Variants in WDR41 observed in about 807,000 individuals in gnomAD.
The protein encoded by WDR41 is WD repeat domain 41.
WDR41 carries 63 observed loss-of-function variants against 69.3 expected under a neutral mutation model. That is an observed-to-expected ratio of 0.91 (90% CI 0.74 to 1.12). The LOEUF is 1.12. Among genes scored for constraint, WDR41 ranks in the 50% most tolerant of loss-of-function variants. The pLI is 0.00. For missense variants in WDR41, 543 were observed against 534.5 expected, an observed-to-expected ratio of 1.02 and a Z score of -0.16; for synonymous variants, 185 against 192.1, an observed-to-expected ratio of 0.96 and a Z score of 0.31.
At chr5:77,541,709 T>A (rs1743091428) in intron 1 of WDR41, among the ~76,000 whole-genome samples, 1 of 150,370 alleles carries the variant, frequency 6.7e-6, no homozygotes, top group African/African-American at 2.5e-5. Flanking sequence ...GCCAGGCTGA[T>A]CTCGAACTCC....
chr5:77,545,727 C>T (rs1467246571), intron 1 of WDR41: 4 of 550,172 alleles, frequency 7.3e-6, no homozygotes, highest in Non-Finnish European at 1.3e-5. Flanking sequence ...CCCACGCTGG[C>T]CAGTGCACCA....
At chr5:77,466,748 A>G (rs535371760) in intron 2 of WDR41, among the ~76,000 whole-genome samples, 74 of 151,572 alleles carry the variant, frequency 4.9e-4, no homozygotes, top group Admixed American at 6.6e-4. Flanking sequence ...TGCAAGGTCA[A>G]TTACCTGGTT....
Position 77,574,602 on chromosome 5 carries a change from T to C in WDR41, c.42+45877A>G, listed in dbSNP as rs189104062. Among the ~76,000 whole-genome samples the C allele has an allele frequency of 3.2e-3, 495 of 152,348 alleles. 3 individuals carry two copies. Among genetic ancestry groups the C allele is most frequent in the African/African-American group, 0.011 (478 of 41,590 alleles). On this transcript the variant is annotated intron_variant, in intron 1 of 5. Coordinates refer to the WDR41 transcript ENST00000509971. ...CTAAGGCTAATGCTTTGACTTGATTTTAAAGACTGAATTTTTTCTGCTGGT... is the reference window on the plus strand; with the variant it reads ...CTAAGGCTAATGCTTTGACTTGATTCTAAAGACTGAATTTTTTCTGCTGGT...
intron 2 of WDR41, among the ~76,000 whole-genome samples, chr5:77,473,861 G>A (rs558580268): frequency 2.5e-3 from 387 of 152,162 alleles, no homozygotes; most frequent in African/African-American, 8.8e-3. Flanking sequence ...TTCAACCATT[G>A]TGGAAGTCAG....
At chr5:77,571,243 C>T (rs1047839325) in intron 1 of WDR41, among the ~76,000 whole-genome samples, 2 of 152,078 alleles carry the variant, frequency 1.3e-5, no homozygotes, top group African/African-American at 4.8e-5. Flanking sequence ...GAGAAAACTA[C>T]AGTATTGTTT....
At chr5:77,535,747 T>C (rs1581789489) in intron 1 of WDR41, among the ~76,000 whole-genome samples, 1 of 152,272 alleles carries the variant, frequency 6.6e-6, no homozygotes, top group East Asian at 1.9e-4. Context: ...AGCTGCCAGA[T>C]GACAAGACGA....
intron 1 of WDR41, among the ~76,000 whole-genome samples, chr5:77,571,997 C>A (rs374398299): frequency 4.6e-5 from 7 of 152,040 alleles, no homozygotes; most frequent in Non-Finnish European, 1.0e-4. Context: ...TGCAAGCAAC[C>A]ACGGAAGGCC....
At chr5:77,585,785 G>A (rs1744026909) in intron 1 of WDR41, among the ~76,000 whole-genome samples, 1 of 152,154 alleles carries the variant, frequency 6.6e-6, no homozygotes, top group Non-Finnish European at 1.5e-5. Context: ...AGAATGCAAA[G>A]GCATAAGAAT....
chr5:77,548,378 A>G (rs777606514), intron 1 of WDR41, among the ~76,000 whole-genome samples: 6 of 152,270 alleles, frequency 3.9e-5, no homozygotes, highest in Non-Finnish European at 7.3e-5. Flanking sequence ...TTCACAATCT[A>G]TACATCTGAC....
intron 1 of WDR41, among the ~76,000 whole-genome samples, chr5:77,593,091 A>T (rs909663629): frequency 6.6e-6 from 1 of 152,210 alleles, no homozygotes; most frequent in Admixed American, 6.5e-5. Context: ...TGAGGTGGGG[A>T]CATGCTCAGA....
At chr5:77,569,570 A>G (rs1250042727) in intron 1 of WDR41, among the ~76,000 whole-genome samples, 1 of 152,198 alleles carries the variant, frequency 6.6e-6, no homozygotes, top group Non-Finnish European at 1.5e-5. Context: ...CAGTACTCTT[A>G]TTTATGCTAT....
chr5:77,477,285 G>A (rs1168525672), intron 2 of WDR41, among the ~76,000 whole-genome samples: 1 of 150,730 alleles, frequency 6.6e-6, no homozygotes, highest in African/African-American at 2.5e-5. Context: ...AGCCAACAAG[G>A]ATACCCAGGA....
intron 1 of WDR41, among the ~76,000 whole-genome samples, chr5:77,552,819 T>C (rs1743321673): frequency 6.6e-6 from 1 of 152,198 alleles, no homozygotes; most frequent in Admixed American, 6.5e-5. Flanking sequence ...CAAATGATGC[T>C]GGAACAATTG....
At chr5:77,465,905 C>A (rs1418256097) in intron 2 of WDR41, among the ~76,000 whole-genome samples, 1 of 151,862 alleles carries the variant, frequency 6.6e-6, no homozygotes, top group African/African-American at 2.4e-5. Flanking sequence ...CTTAACACTC[C>A]AAACTGAGTT....
At chr5:77,481,843 A>G (rs929832185) in intron 2 of WDR41, among the ~76,000 whole-genome samples, 1 of 151,056 alleles carries the variant, frequency 6.6e-6, no homozygotes, top group South Asian at 2.1e-4. Flanking sequence ...TGTATCGGTT[A>G]TTACTTTATG....
chr5:77,499,188 G>A (rs1203568843), intron 1 of WDR41: 1 of 152,230 alleles, frequency 6.6e-6, no homozygotes, highest in Non-Finnish European at 1.5e-5. Context: ...TCTGAAAAAG[G>A]AGGAATGGGG....
At chr5:77,582,534 A>T in intron 1 of WDR41, 2 of 1,599,364 alleles carry the variant, frequency 1.3e-6, no homozygotes, top group Non-Finnish European at 1.7e-6. Flanking sequence ...TCTATGAAAA[A>T]GCAAAGCACT....
At chr5:77,434,883 C>CTT (rs1248978600) in intron 12 of WDR41, among the ~76,000 whole-genome samples, 2 of 150,720 alleles carry the variant, frequency 1.3e-5, no homozygotes, top group East Asian at 3.9e-4. Flanking sequence ...TTTTGAATGT[C>CTT]TTTTACATGG....
At chr5:77,519,937 G>C (rs151094396) in intron 1 of WDR41, among the ~76,000 whole-genome samples, 1 of 151,632 alleles carries the variant, frequency 6.6e-6, no homozygotes, top group Non-Finnish European at 1.5e-5. Context: ...TATTTTCCCA[G>C]TATGTTAAAA....
Sources: allele counts gnomAD v4.1 joint callset (sites outside exome capture counted in the v4.1 genomes callset), GRCh38; gene constraint gnomAD v4.1.1; transcripts MANE v1.5; gene names NCBI Gene and HGNC (gene_info 2026-07-23, HGNC 2026-07-21).